Variants in XRCC5 observed in about 807,000 individuals in gnomAD.
XRCC5 encodes X-ray repair cross complementing 5.
A neutral mutation model predicts 95.7 loss-of-function variants in XRCC5; 12 were observed. That is an observed-to-expected ratio of 0.13 (90% CI 0.08 to 0.20). The LOEUF (loss-of-function observed/expected upper bound fraction) is 0.20, where lower values mean the gene tolerates loss of function less well. Ranked by LOEUF, XRCC5 falls within the 10% of genes least tolerant of loss-of-function variation. The pLI, the probability that XRCC5 is intolerant of heterozygous loss-of-function variation, is 1.00. For synonymous variants in XRCC5, 281 were observed against 290.3 expected, an observed-to-expected ratio of 0.97 and a Z score of 0.33; for missense variants, 595 against 873.9, an observed-to-expected ratio of 0.68 and a Z score of 4.02.
chr2:216,114,487 G>T (rs1329284285), intron 2 of XRCC5, among the ~76,000 whole-genome samples: 1 of 152,060 alleles, frequency 6.6e-6, no homozygotes, highest in Non-Finnish European at 1.5e-5. Flanking sequence ...TGTTAGAGAA[G>T]GTAAGTAGAC....
intron 6 of XRCC5, among the ~76,000 whole-genome samples, chr2:216,123,068 G>A (rs989178671): frequency 1.4e-4 from 21 of 152,112 alleles, no homozygotes; most frequent in African/African-American, 4.6e-4. Flanking sequence ...ATAGCAGTAT[G>A]GCTTGGGTGG....
intron 16 of XRCC5, chr2:216,175,839 C>T (rs1689262448): frequency 2.3e-6 from 1 of 434,758 alleles, no homozygotes. Flanking sequence ...ACCACACAAT[C>T]TGTGAGTGTG....
chr2:216,202,594 A>G (rs1689854881), intron 19 of XRCC5, among the ~76,000 whole-genome samples: 1 of 152,142 alleles, frequency 6.6e-6, no homozygotes, highest in African/African-American at 2.4e-5. Context: ...CATTGCTGGG[A>G]TTTCCTCTCT....
At chr2:216,139,425 A>T (rs1251262648) in intron 12 of XRCC5, among the ~76,000 whole-genome samples, 1 of 152,190 alleles carries the variant, frequency 6.6e-6, no homozygotes, top group Non-Finnish European at 1.5e-5. Flanking sequence ...AACCCCTGAT[A>T]AACCCATCAG....
At chr2:216,160,951 C>T (rs207914) in intron 15 of XRCC5, among the ~76,000 whole-genome samples, 96,522 of 151,848 alleles carry the variant, frequency 0.64, 31,055 homozygotes, top group South Asian at 0.73. Context: ...GCTTCAGCCT[C>T]CCGAAGCACT....
intron 14 of XRCC5, among the ~76,000 whole-genome samples, chr2:216,156,008 G>A (rs923770464): frequency 2.0e-5 from 3 of 152,084 alleles, no homozygotes; most frequent in Admixed American, 1.3e-4. Context: ...TCTTATAGAC[G>A]AAGAAGCGAA....
At position 216,148,200 on chromosome 2, in the gene XRCC5, A is replaced by G. The variant is rs1688675867; in HGVS notation, c.1594A>G (p.Lys532Glu). Residue 532 changes from lysine (K) to glutamate (E), a missense_variant, in exon 14 of 21, where the codon AAA becomes GAA. Transcript: ENST00000392132. Reference sequence around the variant, plus strand: ...AACAAAAAGTCAGATTCCTCTCTCTAAAATAAAGACCCTTTTTCCTCTGAT... The same window carrying G: ...AACAAAAAGTCAGATTCCTCTCTCTGAAATAAAGACCCTTTTTCCTCTGAT... The part of the protein sequence containing the change: ...VTTKSQIPLS[K>E]IKTLFPLIEA... The G allele has an allele frequency of 2.5e-6, 4 of 1,614,046 alleles. No individual in the cohort carries two copies. Among genetic ancestry groups the G allele is most frequent in the Non-Finnish European group, 3.4e-6 (4 of 1,179,962 alleles).
At chr2:216,123,183 A>G (rs1049398029) in intron 6 of XRCC5, among the ~76,000 whole-genome samples, 4 of 152,200 alleles carry the variant, frequency 2.6e-5, no homozygotes, top group Non-Finnish European at 4.4e-5. Flanking sequence ...GTAGTGATTG[A>G]ACAACTAGAA....
chr2:216,187,821 A>ACACACACACACC (rs1312215177), intron 16 of XRCC5, among the ~76,000 whole-genome samples: 7 of 47,950 alleles, frequency 1.5e-4, no homozygotes, highest in African/African-American at 3.0e-4. Flanking sequence ...ACACACACAC[A>ACACACACACACC]CTCTCTCTCT....
chr2:216,143,674 AC>A (rs984182623), intron 13 of XRCC5, among the ~76,000 whole-genome samples: 1 of 151,670 alleles, frequency 6.6e-6, no homozygotes, highest in Non-Finnish European at 1.5e-5. Flanking sequence ...CTAACAATGA[AC>A]CACGTGCGAA....
intron 4 of XRCC5, among the ~76,000 whole-genome samples, chr2:216,118,442 G>A (rs116610349): frequency 0.031 from 4,720 of 152,230 alleles, 95 homozygotes; most frequent in Non-Finnish European, 0.049. Context: ...CTCCCAAAGT[G>A]TTAGGATTAC....
intron 16 of XRCC5, among the ~76,000 whole-genome samples, chr2:216,170,905 T>C (rs1689153142): frequency 6.6e-6 from 1 of 152,214 alleles, no homozygotes; most frequent in Non-Finnish European, 1.5e-5. Flanking sequence ...CCTTCCATGG[T>C]AGGTCATTGT....
chr2:216,168,734 G>A (rs1008469125), intron 16 of XRCC5, among the ~76,000 whole-genome samples: 3 of 152,128 alleles, frequency 2.0e-5, no homozygotes, highest in African/African-American at 7.2e-5. Context: ...TAGAAAAAGA[G>A]AGCTTTATTT....
chr2:216,115,368 T>C lies in XRCC5; in HGVS notation c.136-1291T>C, dbSNP rs540519244. Among the ~76,000 whole-genome samples, 7 of 152,302 alleles carry C rather than the reference T, an allele frequency of 4.6e-5. No individual in the cohort carries two copies. In the East Asian group the frequency reaches 1.4e-3, roughly 29 times the overall value. On this transcript the variant is annotated intron_variant, in intron 2 of 20. Transcript: ENST00000392132. ...AACTTAGTGCCAGTCCCATACTACA[T>C]TCAGAATTTCCTCCCCTCCCATGAC... is the stretch of plus-strand genomic sequence containing the variant.
chr2:216,147,449 T>G (rs1232461088), intron 13 of XRCC5, among the ~76,000 whole-genome samples: 1 of 152,014 alleles, frequency 6.6e-6, no homozygotes, highest in African/African-American at 2.4e-5. Flanking sequence ...GGGAAACCAG[T>G]TAGAAGGTGA....
At chr2:216,159,246 ATCTTAATT>A (rs1172782421) in intron 14 of XRCC5, among the ~76,000 whole-genome samples, 8 of 152,150 alleles carry the variant, frequency 5.3e-5, no homozygotes, top group Non-Finnish European at 1.0e-4. Flanking sequence ...GGAGAAAAAA[ATCTTAATT>A]TCTTTATGTT....
chr2:216,186,185 CCTTT>C (rs1689488104), intron 16 of XRCC5, among the ~76,000 whole-genome samples: 1 of 152,134 alleles, frequency 6.6e-6, no homozygotes, highest in East Asian at 1.9e-4. Context: ...TAAATGACTT[CCTTT>C]CACTTTGTTG....
intron 20 of XRCC5, among the ~76,000 whole-genome samples, 169 bp downstream of exon 20, chr2:216,204,565 T>C (rs1185499046): frequency 6.6e-6 from 1 of 152,222 alleles, no homozygotes; most frequent in Non-Finnish European, 1.5e-5. Context: ...TTCAATCAGA[T>C]AGGTAATTTC....
intron 16 of XRCC5, among the ~76,000 whole-genome samples, chr2:216,182,472 G>A (rs950080767): frequency 2.6e-5 from 4 of 152,100 alleles, no homozygotes; most frequent in African/African-American, 9.7e-5. Context: ...ATCAAGCATG[G>A]TGATAAGGTT....
Sources: allele counts gnomAD v4.1 joint callset (sites outside exome capture counted in the v4.1 genomes callset), GRCh38; gene constraint gnomAD v4.1.1; transcripts MANE v1.5; gene names NCBI Gene and HGNC (gene_info 2026-07-23, HGNC 2026-07-21).